The following LRRC72 variants were observed in gnomAD, a reference collection of about 807,000 sequenced individuals.
LRRC72 encodes the protein leucine-rich repeat-containing protein 72.
Under a neutral mutation model 35.8 loss-of-function variants are expected in LRRC72, and 41 were observed. The ratio of observed to expected loss-of-function variants is 1.15; its 90% CI spans 0.89 to 1.49. The LOEUF (loss-of-function observed/expected upper bound fraction) is 1.49. Among genes scored for constraint, LRRC72 ranks in the 40% most tolerant of loss-of-function variants. The pLI is 0.00. For synonymous variants in LRRC72, 118 were observed against 119.2 expected (o/e 0.99, Z 0.07); for missense variants, 389 against 330.7 (o/e 1.18, Z -1.37).
intron 5 of LRRC72, among the ~76,000 whole-genome samples, chr7:16,565,316 C>T (rs989390231): frequency 7.9e-5 from 12 of 151,892 alleles, no homozygotes; most frequent in Admixed American, 6.6e-5. Flanking sequence ...GCCTGTAATC[C>T]CAGCTACTCA....
intron 7 of LRRC72, among the ~76,000 whole-genome samples, chr7:16,568,715 A>G (rs1254685426): frequency 1.3e-5 from 2 of 152,184 alleles, no homozygotes; most frequent in Non-Finnish European, 2.9e-5. Context: ...ACACATAACA[A>G]CAACAACAAC....
intron 3 of LRRC72, 123 bp from the exon 4 acceptor site, chr7:16,557,237 G>A (rs928167102): frequency 3.5e-5 from 9 of 260,600 alleles, no homozygotes; most frequent in African/African-American, 2.0e-4. Context: ...AATAGCAGAG[G>A]TCAAACTTTT....
chr7:16,544,348 C>G (rs576891408), intron 3 of LRRC72, among the ~76,000 whole-genome samples: 73 of 152,288 alleles, frequency 4.8e-4, no homozygotes, highest in Admixed American at 9.8e-4. Flanking sequence ...GCTTTGGCAA[C>G]TCTAGTTCTT....
intron 2 of LRRC72, among the ~76,000 whole-genome samples, chr7:16,533,925 T>C (rs1464894894): frequency 6.6e-6 from 1 of 152,194 alleles, no homozygotes; most frequent in African/African-American, 2.4e-5. Context: ...ATTTTGACAA[T>C]TGTATACTAT....
intron 5 of LRRC72, among the ~76,000 whole-genome samples, 165 bp downstream of exon 5, chr7:16,559,164 T>G (rs1782700908): frequency 1.3e-5 from 2 of 152,082 alleles, no homozygotes; most frequent in Non-Finnish European, 2.9e-5. Context: ...CAGGCTGAGG[T>G]GGGCGGATCA....
At chr7:16,580,149 T>A in intron 8 of LRRC72, 48 bp downstream of exon 8, 1 of 287,286 alleles carries the variant, frequency 3.5e-6, no homozygotes, top group Non-Finnish European at 6.7e-6. Context: ...TTCATAATTG[T>A]GTTGTCCCTT....
chr7:16,533,667 T>A, intron 2 of LRRC72, among the ~76,000 whole-genome samples: 1 of 152,134 alleles, frequency 6.6e-6, no homozygotes, highest in Non-Finnish European at 1.5e-5. Flanking sequence ...TTTATTTTAT[T>A]ATAAATAAAT....
At chr7:16,549,613 T>C (rs1782513352) in intron 3 of LRRC72, among the ~76,000 whole-genome samples, 1 of 152,178 alleles carries the variant, frequency 6.6e-6, no homozygotes, top group Non-Finnish European at 1.5e-5. Context: ...CTTTCAACTG[T>C]CTCCGCTTCT....
At chr7:16,552,608 AAG>A (rs1782572856) in intron 3 of LRRC72, among the ~76,000 whole-genome samples, 1 of 152,226 alleles carries the variant, frequency 6.6e-6, no homozygotes, top group Non-Finnish European at 1.5e-5. Context: ...TTCTGCTGAA[AAG>A]TTCTTTAAAA....
intron 7 of LRRC72, among the ~76,000 whole-genome samples, chr7:16,577,040 T>G (rs541286080): frequency 1.3e-5 from 2 of 152,298 alleles, no homozygotes; most frequent in East Asian, 3.9e-4. Context: ...GGAAATCAAG[T>G]CTTGAAGACA....
At chr7:16,538,958 T>C (rs550683121) in intron 3 of LRRC72, among the ~76,000 whole-genome samples, 3 of 152,356 alleles carry the variant, frequency 2.0e-5, no homozygotes, top group South Asian at 2.1e-4. Context: ...GAGTTCTTTA[T>C]AGCAGTGTGA....
intron 3 of LRRC72, among the ~76,000 whole-genome samples, chr7:16,552,694 G>A (rs1196652329): frequency 2.0e-5 from 3 of 152,182 alleles, no homozygotes; most frequent in African/African-American, 7.2e-5. Context: ...CTTGAGAGAT[G>A]GCAGCTCAGT....
chr7:16,534,141 A>G (rs1213459263), intron 2 of LRRC72, among the ~76,000 whole-genome samples: 1 of 152,230 alleles, frequency 6.6e-6, no homozygotes, highest in Non-Finnish European at 1.5e-5. Context: ...ATACTGAGTT[A>G]TTTACCAAGT....
In LRRC72 at chr7:16,526,939, G is replaced by T. The variant is rs1378290092; in HGVS notation, c.-14G>T. On this transcript the variant is annotated 5_prime_UTR_variant, in exon 1 of 9. Coordinates refer to ENST00000401542, the MANE Select transcript of LRRC72 (RefSeq NM_001195280.2). ...CGGATTAATCACCGCTGCTTCGGCC[G>T]CCCATGTGTCCTGATGTCCTGGGAC... 2.0e-6 allele frequency: 3 copies of T among 1,537,892 alleles called. No homozygotes were observed. Among genetic ancestry groups the T allele is most frequent in the Non-Finnish European group, 8.7e-7 (1 of 1,146,012 alleles).
chr7:16,568,237 G>A (rs1238085757), intron 7 of LRRC72, among the ~76,000 whole-genome samples: 1 of 152,166 alleles, frequency 6.6e-6, no homozygotes, highest in Non-Finnish European at 1.5e-5. Flanking sequence ...TGATTACAAG[G>A]TGGCTGGTGT....
intron 3 of LRRC72, among the ~76,000 whole-genome samples, chr7:16,541,456 G>GA (rs952632667): frequency 2.0e-5 from 3 of 152,152 alleles, no homozygotes; most frequent in African/African-American, 7.2e-5. Context: ...GTGGAAAATG[G>GA]AAAATGAAAG....
chr7:16,548,471 T>C (rs1185999948), intron 3 of LRRC72, among the ~76,000 whole-genome samples: 2 of 152,196 alleles, frequency 1.3e-5, no homozygotes, highest in Non-Finnish European at 2.9e-5. Context: ...ACACCCTCCT[T>C]AGGGTTCTGT....
At chr7:16,529,579 G>A (rs76699392) in intron 1 of LRRC72, among the ~76,000 whole-genome samples, 1,536 of 152,236 alleles carry the variant, frequency 0.01, 30 homozygotes, top group African/African-American at 0.035. Flanking sequence ...CTGGGAACTG[G>A]AATTGTTCCA....
chr7:16,561,109 CATTT>C (rs1385923649), intron 5 of LRRC72, among the ~76,000 whole-genome samples: 3 of 151,974 alleles, frequency 2.0e-5, no homozygotes, highest in Non-Finnish European at 4.4e-5. Flanking sequence ...TTCATTCATT[CATTT>C]AATAAATGTT....
Sources: allele counts gnomAD v4.1 joint callset (sites outside exome capture counted in the v4.1 genomes callset), GRCh38; gene constraint gnomAD v4.1.1; transcripts MANE v1.5; gene names NCBI Gene and HGNC (gene_info 2026-07-23, HGNC 2026-07-21).